The following ELF5 variants were observed in gnomAD, a reference collection of about 807,000 sequenced individuals.
The protein encoded by ELF5 is ETS-related transcription factor Elf-5.
A neutral mutation model predicts 38.2 loss-of-function variants in ELF5; 31 were observed. The ratio of observed to expected loss-of-function variants is 0.81; its 90% CI spans 0.61 to 1.10. The LOEUF is 1.10. ELF5 is among the 50% of genes least tolerant of loss of function. The pLI is 0.00. For synonymous variants in ELF5, 121 were observed against 112.5 expected (o/e 1.08, Z -0.48); for missense variants, 300 against 306.6 (o/e 0.98, Z 0.16).
chr11:34,480,296 T>C lies in ELF5; in HGVS notation c.690A>G (p.Gly230=), dbSNP rs1452555773. The part of the protein sequence containing the change: ...SRALRYYYKT[G]ILERVDRRLV... ...ACCTTCGGTCAACCCGCTCCAAAATTCCTGTTTTATAGTAGTATCTGAAAA... is the reference window on the plus strand; with the variant it reads ...ACCTTCGGTCAACCCGCTCCAAAATCCCTGTTTTATAGTAGTATCTGAAAA... The change falls in exon 7 of 7, where the codon GGA becomes GGG. Residue 230 remains glycine, a synonymous_variant. Transcript: ENST00000257832. 6.2e-7 allele frequency: 1 copy of C among 1,613,914 alleles called. No homozygotes were observed. The highest frequency in any genetic ancestry group is 1.1e-5 in the South Asian group (1 of 91,068).
chr11:34,491,205 T>A (rs2133882446), intron 3 of ELF5, among the ~76,000 whole-genome samples: 1 of 152,264 alleles, frequency 6.6e-6, no homozygotes, highest in South Asian at 2.1e-4. Context: ...TGAAAGGTAG[T>A]GCTATGGTAA....
intron 4 of ELF5, among the ~76,000 whole-genome samples, chr11:34,482,798 T>C (rs1241916333): frequency 6.6e-6 from 1 of 152,128 alleles, no homozygotes; most frequent in Admixed American, 6.5e-5. Context: ...TATATCAAAG[T>C]GTAGAGCAAA....
intron 2 of ELF5, among the ~76,000 whole-genome samples, chr11:34,501,398 T>C (rs1056854210): frequency 2.6e-5 from 4 of 152,180 alleles, no homozygotes; most frequent in African/African-American, 9.7e-5. Flanking sequence ...CATGTGTGCG[T>C]GGCACATTGG....
chr11:34,507,818 T>G (rs560866834), intron 1 of ELF5, among the ~76,000 whole-genome samples: 1 of 152,368 alleles, frequency 6.6e-6, no homozygotes, highest in South Asian at 2.1e-4. Flanking sequence ...ATCACACCAC[T>G]GGTAAGTGTC....
intron 2 of ELF5, among the ~76,000 whole-genome samples, chr11:34,503,235 T>G (rs916327919): frequency 1.3e-5 from 2 of 152,162 alleles, no homozygotes; most frequent in African/African-American, 4.8e-5. Flanking sequence ...CACAGCTCAC[T>G]GCAGCTTCAA....
chr11:34,482,808 A>G (rs1214223366), intron 4 of ELF5, among the ~76,000 whole-genome samples: 1 of 152,122 alleles, frequency 6.6e-6, no homozygotes, highest in Admixed American at 6.5e-5. Context: ...TGTAGAGCAA[A>G]GATCCTCAAT....
At chr11:34,493,989 A>C (rs1474741640) in intron 2 of ELF5, among the ~76,000 whole-genome samples, 1 of 152,212 alleles carries the variant, frequency 6.6e-6, no homozygotes, top group Admixed American at 6.5e-5. Context: ...AAAGGCATTT[A>C]GTGGAGAAAG....
chr11:34,498,948 G>A (rs74617119), intron 2 of ELF5, among the ~76,000 whole-genome samples: 11 of 152,112 alleles, frequency 7.2e-5, no homozygotes, highest in East Asian at 1.9e-4. Context: ...AAAAATTAGC[G>A]GGCGTGGTGG....
intron 3 of ELF5, among the ~76,000 whole-genome samples, chr11:34,491,201 G>A (rs557242840): frequency 1.3e-5 from 2 of 152,280 alleles, no homozygotes; most frequent in South Asian, 4.1e-4. Flanking sequence ...AGGATGAAAG[G>A]TAGTGCTATG....
chr11:34,498,076 A>G (rs1850359299), intron 2 of ELF5, among the ~76,000 whole-genome samples: 1 of 152,182 alleles, frequency 6.6e-6, no homozygotes. Flanking sequence ...CAGGATTCCT[A>G]TATTTTGAAT....
intron 1 of ELF5, among the ~76,000 whole-genome samples, chr11:34,509,294 C>A (rs893933281): frequency 6.6e-6 from 1 of 152,176 alleles, no homozygotes; most frequent in Admixed American, 6.5e-5. Context: ...TGCCACTGCA[C>A]TCCAGCCTGG....
chr11:34,481,935 C>T (rs2133869277), intron 5 of ELF5, among the ~76,000 whole-genome samples: 1 of 152,364 alleles, frequency 6.6e-6, no homozygotes, highest in Non-Finnish European at 1.5e-5. Context: ...TCTACACACA[C>T]ATTTGTGAAA....
chr11:34,490,031 T>G lies in ELF5; in HGVS notation c.384A>C (p.Glu128Asp), dbSNP rs746621726. ...QGYSFFNDAE[E>D]SKATIKDYAD... ...TACAGTCTTTGATGGTGGCCTTGCT[T>G]TCTTCAGCGTCATTAAAAAAGGAGT... Residue 128 changes from glutamate to aspartate, a missense_variant, in exon 4 of 7, where the codon GAA (glutamate) becomes GAC (aspartate). Transcript: ENST00000257832. 3 of 1,613,982 alleles carry G rather than the reference T, an allele frequency of 1.9e-6. No individual in the cohort carries two copies. The Admixed American group carries it at 5.0e-5, about 27-fold the overall frequency.
intron 1 of ELF5, among the ~76,000 whole-genome samples, chr11:34,508,494 C>A (rs1276376035): frequency 4.0e-5 from 6 of 151,154 alleles, no homozygotes; most frequent in Non-Finnish European, 5.9e-5. Context: ...CAGAGCAAGA[C>A]TATGTCTCAC....
rs781031028 is a variant in ELF5, at chr11:34,480,767, C to T, written c.671+5G>A. ...GGCTCATAGTATTTTATGCTATTAA[C>T]TTACCTCAGGGCTCTGCTCAACTTT... On this transcript the variant is annotated splice_donor_5th_base_variant and intron_variant, in intron 6 of 6. Coordinates refer to ENST00000257832, the MANE Select transcript of ELF5 (RefSeq NM_001422.4). The T allele has an allele frequency of 6.2e-7, 1 of 1,613,494 alleles. No homozygotes were observed. Among genetic ancestry groups the T allele is most frequent in the South Asian group, 1.1e-5 (1 of 91,020 alleles).
At chr11:34,490,159 C>T (rs902220633) in intron 3 of ELF5, 100 bp from the exon 4 acceptor site, 9 of 1,316,884 alleles carry the variant, frequency 6.8e-6, no homozygotes, top group Admixed American at 6.8e-5. Flanking sequence ...AGTGACTGTC[C>T]CTCTTGAGGT....
At chr11:34,508,217 T>C (rs1850655959) in intron 1 of ELF5, among the ~76,000 whole-genome samples, 1 of 152,188 alleles carries the variant, frequency 6.6e-6, no homozygotes, top group South Asian at 2.1e-4. Flanking sequence ...AAAATAATTT[T>C]ACTGCTGGGC....
chr11:34,497,008 T>A lies in ELF5; in HGVS notation c.122-3296A>T, dbSNP rs1421495177. ...TATGTGTAATTGTAATTATAAATAA[T>A]GGATAAGCAGAGCCTGACTAGAAAA... On this transcript the variant is annotated intron_variant, in intron 2 of 6. Coordinates refer to ENST00000257832, the MANE Select transcript of ELF5 (RefSeq NM_001422.4). 2.0e-5 allele frequency among the ~76,000 whole-genome samples: 3 copies of A among 152,116 alleles called. No homozygotes were observed. The East Asian group carries it at 5.8e-4, about 29-fold the overall frequency.
chr11:34,506,380 T>A (rs1850613948), intron 1 of ELF5, among the ~76,000 whole-genome samples: 1 of 152,134 alleles, frequency 6.6e-6, no homozygotes, highest in African/African-American at 2.4e-5. Flanking sequence ...AACTAACTAC[T>A]GGATACTATA....
Sources: gnomAD v4.1 joint callset for allele counts (sites outside exome capture counted in the v4.1 genomes callset) on GRCh38, gnomAD v4.1.1 for gene constraint, MANE v1.5 for transcripts, NCBI Gene and HGNC (gene_info 2026-07-23, HGNC 2026-07-21) for gene names.